DNAH12: variants seen among roughly 807,000 people sequenced by gnomAD.
The protein encoded by DNAH12 is axonemal beta dynein heavy chain 12.
A neutral mutation model predicts 371.5 loss-of-function variants in DNAH12; 285 were observed. The ratio of observed to expected loss-of-function variants is 0.77; its 90% CI spans 0.70 to 0.85. The LOEUF is 0.85. Ranked by LOEUF, DNAH12 falls within the 40% of genes least tolerant of loss-of-function variation. The probability of loss-of-function intolerance (pLI) is 0.00; values close to 1 mark genes in which losing one functional copy is unlikely to be tolerated. For missense variants in DNAH12, 3,611 were observed against 3,689.4 expected, an observed-to-expected ratio of 0.98 and a Z score of 0.55; for synonymous variants, 1,200 against 1,213.0, an observed-to-expected ratio of 0.99 and a Z score of 0.22.
intron 2 of DNAH12, among the ~76,000 whole-genome samples, chr3:57,542,440 C>G (rs2069330896): frequency 6.6e-6 from 1 of 152,132 alleles, no homozygotes; most frequent in Non-Finnish European, 1.5e-5. Context: ...TCAGTATACT[C>G]ATCTAAACAA....
intron 8 of DNAH12, among the ~76,000 whole-genome samples, chr3:57,507,416 T>G (rs1272457121): frequency 6.6e-6 from 1 of 152,194 alleles, no homozygotes; most frequent in African/African-American, 2.4e-5. Context: ...CCTTTAGGCA[T>G]GAGCCAAGTA....
At chr3:57,309,383 T>C in intron 68 of DNAH12, 129 bp from the exon 69 acceptor site, 1 of 765,818 alleles carries the variant, frequency 1.3e-6, no homozygotes, top group Non-Finnish European at 2.0e-6. Context: ...CAGTAATGTA[T>C]ATAAGTCCTA....
chr3:57,373,392 T>A (rs934604567), intron 55 of DNAH12, among the ~76,000 whole-genome samples: 23 of 151,910 alleles, frequency 1.5e-4, no homozygotes, highest in Non-Finnish European at 2.9e-4. Flanking sequence ...CTTGGCTCAC[T>A]GCAACCTCCA....
chr3:57,415,548 C>A lies in DNAH12; in HGVS notation c.5731G>T (p.Gly1911Cys). 1 of 1,539,416 alleles carries A rather than the reference C, an allele frequency of 6.5e-7. No homozygotes were observed. Among genetic ancestry groups the A allele is most frequent in the African/African-American group, 1.4e-5 (1 of 72,198 alleles). ...ACAGATTTTCCTGTACCCGTTGGAC[C>A]CACAAAAAGGAGTGGCCTTAATGAA... ...ITYAKPLLFV[G>C]PTGTGKSVYV... The change falls in exon 38 of 74, where the codon GGT becomes TGT. Residue 1911 changes from glycine to cysteine, a missense_variant. Gly to Cys is a radical substitution (Grantham distance 159). Transcript: ENST00000495027.
At chr3:57,498,608 A>G (rs2067397925) in intron 11 of DNAH12, 2 of 712,722 alleles carry the variant, frequency 2.8e-6, no homozygotes, top group Admixed American at 2.0e-5. Flanking sequence ...AACTTTATTC[A>G]TAATAGCCAA....
At chr3:57,457,664 C>T (rs2065937857) in intron 22 of DNAH12, 57 bp downstream of exon 22, 11 of 1,462,690 alleles carry the variant, frequency 7.5e-6, no homozygotes, top group Non-Finnish European at 9.1e-6. Context: ...TTTCCAAAAC[C>T]TCTTAAACAA....
chr3:57,298,040 A>C (rs2061269734), intron 70 of DNAH12, among the ~76,000 whole-genome samples: 1 of 152,172 alleles, frequency 6.6e-6, no homozygotes, highest in African/African-American at 2.4e-5. Context: ...CCTGCATTCT[A>C]ATCTGGACTG....
chr3:57,430,034 T>C (rs1025562296), intron 32 of DNAH12, among the ~76,000 whole-genome samples: 1 of 152,116 alleles, frequency 6.6e-6, no homozygotes, highest in African/African-American at 2.4e-5. Context: ...GAAGGGGGAC[T>C]ATAAGACAAA....
At chr3:57,451,273 C>G (rs2065748440) in intron 25 of DNAH12, among the ~76,000 whole-genome samples, 1 of 152,206 alleles carries the variant, frequency 6.6e-6, no homozygotes, top group African/African-American at 2.4e-5. Context: ...TGCTCCTTCT[C>G]AATTCCCGTA....
At chr3:57,433,959 CATG>C (rs2153366533) in intron 30 of DNAH12, 131 bp from the exon 31 acceptor site, 1 of 759,398 alleles carries the variant, frequency 1.3e-6, no homozygotes, top group African/African-American at 1.8e-5. Flanking sequence ...TTTTCTCAGA[CATG>C]AAGAAAACAT....
At position 57,408,276 on chromosome 3, in the gene DNAH12, T is replaced by G; in HGVS notation, c.6276+4A>C. The G allele has an allele frequency of 6.5e-7, 1 of 1,528,522 alleles. No homozygotes were observed. The highest frequency in any genetic ancestry group is 8.8e-7 in the Non-Finnish European group (1 of 1,137,602). The allele number at this position is 1,528,522 out of a possible 1,614,324, so 94.7% of individuals were successfully genotyped here. On this transcript the variant is annotated splice_donor_region_variant and intron_variant, in intron 40 of 73. Transcript: ENST00000495027. ...AAAACATTTACATTGCATTATTGAC[T>G]GACCTCCATAGTCCCATTGACTATC...
At position 57,454,480 on chromosome 3, in the gene DNAH12, C is replaced by CAAA. The variant is rs5849208; in HGVS notation, c.3456+292_3456+294dup. Among the ~76,000 whole-genome samples the CAAA allele has an allele frequency of 2.1e-3, 251 of 122,172 alleles. 1 individual carries two copies. The highest frequency in any genetic ancestry group is 6.2e-3 in the African/African-American group (229 of 37,206). 80.1% of individuals were successfully genotyped at this position (122,172 alleles called of 152,430 possible). ...AGGCAACAAGAGCGTAACTACATCT[C>CAAA]AAAAAAAAAAAAAAATGAATAGTTG... On this transcript the variant is annotated intron_variant, in intron 23 of 73. Transcript: ENST00000495027.
chr3:57,403,127 G>GTTTA (rs1299470053), intron 43 of DNAH12, among the ~76,000 whole-genome samples, 182 bp downstream of exon 43: 1 of 151,980 alleles, frequency 6.6e-6, no homozygotes, highest in Non-Finnish European at 1.5e-5. Context: ...AGGTAAAAGC[G>GTTTA]GTAAAAGCTA....
intron 18 of DNAH12, among the ~76,000 whole-genome samples, chr3:57,462,372 C>T (rs942747647): frequency 3.3e-5 from 5 of 152,116 alleles, no homozygotes; most frequent in Admixed American, 6.5e-5. Context: ...CTGCCTCAGC[C>T]TCCTGAGTAG....
At chr3:57,390,424 A>ATATATATATATATAT (rs1553674589) in intron 45 of DNAH12, among the ~76,000 whole-genome samples, 1 of 33,440 alleles carries the variant, frequency 3.0e-5, no homozygotes, top group African/African-American at 6.3e-5. Flanking sequence ...AAAAAAAAAA[A>ATATATATATATATAT]ATATATATAT....
chr3:57,432,785 C>T (rs2064995957), intron 32 of DNAH12, among the ~76,000 whole-genome samples: 1 of 151,984 alleles, frequency 6.6e-6, no homozygotes, highest in Admixed American at 6.6e-5. Context: ...ATGAGTGAAC[C>T]TTGTAGGGTA....
rs147354982 is a variant in DNAH12 at position 57,483,829 on chromosome 3, G to A, written c.1515-318C>T. 9.3e-4 allele frequency among the ~76,000 whole-genome samples: 140 copies of A among 151,092 alleles called. 1 individual carries two copies. Among genetic ancestry groups the A allele is most frequent in the African/African-American group, 3.4e-3 (138 of 41,162 alleles). On this transcript the variant is annotated intron_variant, in intron 12 of 73. Coordinates refer to ENST00000495027, the MANE Select transcript of DNAH12 (RefSeq NM_001366028.2). Reference sequence around the variant, plus strand: ...TAGCTGGGCATGGTGGCACATGCCTGTAGTCCCAGCTACTTGGGAAGCTGA... The same window carrying A: ...TAGCTGGGCATGGTGGCACATGCCTATAGTCCCAGCTACTTGGGAAGCTGA...
chr3:57,421,054 G>A lies in DNAH12; in HGVS notation c.5562+464C>T, dbSNP rs1051754871. On this transcript the variant is annotated intron_variant, in intron 36 of 73. Coordinates refer to ENST00000495027, the MANE Select transcript of DNAH12 (RefSeq NM_001366028.2). ...TTTCTGGCCAGATTCTTAAAATTCTGTGTTAGCATGGTTTTGGGGAAAGGG... is the reference window on the plus strand; with the variant it reads ...TTTCTGGCCAGATTCTTAAAATTCTATGTTAGCATGGTTTTGGGGAAAGGG... Among the ~76,000 whole-genome samples, 7 of 150,126 alleles carry A rather than the reference G, an allele frequency of 4.7e-5. 1 individual carries two copies. The East Asian group carries it at 1.4e-3, about 29-fold the overall frequency.
Position 57,457,772 on chromosome 3 carries a change from C to G in DNAH12, c.3285G>C (p.Val1095=). The change falls in exon 22 of 74, where the codon GTG becomes GTC. Residue 1095 remains valine (V), a synonymous_variant. Coordinates refer to ENST00000495027, the MANE Select transcript of DNAH12 (RefSeq NM_001366028.2). ...RGAVEKWLIQ[V]EDLMLRSVHD... ...GAACACTCCGGAGCATTAGGTCTTCCACTTGAATGAGCCACTTTTCCACAG... is the reference window on the plus strand; with the variant it reads ...GAACACTCCGGAGCATTAGGTCTTCGACTTGAATGAGCCACTTTTCCACAG... 1.3e-6 allele frequency: 2 copies of G among 1,551,564 alleles called. No homozygotes were observed. Among genetic ancestry groups the G allele is most frequent in the Non-Finnish European group, 1.7e-6 (2 of 1,146,966 alleles).
Sources: allele counts gnomAD v4.1 joint callset (sites outside exome capture counted in the v4.1 genomes callset), GRCh38; gene constraint gnomAD v4.1.1; transcripts MANE v1.5; gene names NCBI Gene and HGNC (gene_info 2026-07-23, HGNC 2026-07-21).